Variants in GAS2 observed in about 807,000 individuals in gnomAD.
The protein encoded by GAS2 is growth arrest specific 2.
GAS2 carries 20 observed loss-of-function variants against 37.5 expected under a neutral mutation model. That is an observed-to-expected ratio of 0.53 (90% CI 0.37 to 0.77). The LOEUF (loss-of-function observed/expected upper bound fraction) is 0.77, where lower values mean the gene tolerates loss of function less well. Among genes scored for constraint, GAS2 ranks in the 30% least tolerant of loss-of-function variants. The pLI, the probability that GAS2 is intolerant of heterozygous loss-of-function variation, is 0.00. For missense variants in GAS2, 336 were observed against 373.4 expected (o/e 0.90, Z 0.82); for synonymous variants, 144 against 132.2 (o/e 1.09, Z -0.61).
intron 7 of GAS2, among the ~76,000 whole-genome samples, chr11:22,779,045 G>GTT (rs367996634): frequency 0.028 from 3,758 of 136,390 alleles, 155 homozygotes; most frequent in African/African-American, 0.095. Flanking sequence ...TAAGTTTTTT[G>GTT]TTTTTTTTTT....
intron 3 of GAS2, among the ~76,000 whole-genome samples, chr11:22,691,039 G>A (rs1397128186): frequency 6.6e-6 from 1 of 151,772 alleles, no homozygotes; most frequent in African/African-American, 2.4e-5. Flanking sequence ...AGACATCAGA[G>A]TTTCTCTGGG....
chr11:22,787,171 A>G (rs892330509), intron 7 of GAS2, among the ~76,000 whole-genome samples: 2 of 152,164 alleles, frequency 1.3e-5, no homozygotes, highest in Admixed American at 6.5e-5. Flanking sequence ...CTGCTCTCAA[A>G]AAGCTCCCAG....
chr11:22,726,245 G>A (rs1852207033), intron 3 of GAS2, 47 bp from the exon 4 acceptor site: 1 of 1,558,118 alleles, frequency 6.4e-7, no homozygotes, highest in Non-Finnish European at 8.7e-7. Flanking sequence ...ACATCATTGT[G>A]CTAACTTTGA....
At chr11:22,709,785 G>T (rs1851305069) in intron 3 of GAS2, among the ~76,000 whole-genome samples, 1 of 152,158 alleles carries the variant, frequency 6.6e-6, no homozygotes, top group Admixed American at 6.6e-5. Flanking sequence ...CGATAGACTG[G>T]ATTAAGAAAA....
intron 6 of GAS2, among the ~76,000 whole-genome samples, chr11:22,754,384 AGATACAATATGCTAT>A (rs1166264677): frequency 6.6e-6 from 1 of 152,090 alleles, no homozygotes; most frequent in Non-Finnish European, 1.5e-5. Flanking sequence ...CCACTAAATG[AGATACAATATGCTAT>A]GATAAAAATA....
intron 5 of GAS2, among the ~76,000 whole-genome samples, chr11:22,743,600 T>G (rs187099658): frequency 3.7e-4 from 57 of 152,206 alleles, no homozygotes; most frequent in African/African-American, 1.4e-3. Flanking sequence ...TTTCTAAGAT[T>G]CTTCCTCTTG....
chr11:22,786,563 G>A (rs1310354855), intron 7 of GAS2, among the ~76,000 whole-genome samples: 1 of 152,128 alleles, frequency 6.6e-6, no homozygotes, highest in Non-Finnish European at 1.5e-5. Flanking sequence ...GACGTGTCTT[G>A]AACAATTTGC....
intron 3 of GAS2, among the ~76,000 whole-genome samples, chr11:22,716,869 C>G (rs1010412339): frequency 1.3e-5 from 2 of 152,022 alleles, no homozygotes; most frequent in East Asian, 1.9e-4. Context: ...AGCTGAGAAT[C>G]AAATCAAGAA....
Position 22,812,130 on chromosome 11 carries a change from A to C in GAS2, c.*114A>C. 1.4e-6 allele frequency: 1 copy of C among 711,398 alleles called. No individual in the cohort carries two copies. The highest frequency in any genetic ancestry group is 2.4e-6 in the Non-Finnish European group (1 of 422,478). 44.1% of individuals were successfully genotyped at this position (711,398 alleles called of 1,614,324 possible). On this transcript the variant is annotated 3_prime_UTR_variant, in exon 8 of 8. Coordinates refer to ENST00000454584, the MANE Select transcript of GAS2 (RefSeq NM_001143830.3). The stretch of plus-strand genomic sequence containing the variant: ...GTTTTGGAGAAAGATAGACAGAAAA[A>C]TGTCATCATATTGAAAAATGTTCAA...
chr11:22,782,508 T>C (rs1056556241), intron 7 of GAS2, among the ~76,000 whole-genome samples: 2 of 152,080 alleles, frequency 1.3e-5, no homozygotes, highest in African/African-American at 4.8e-5. Flanking sequence ...GAACCCATCA[T>C]CCAGGTAGTA....
At position 22,651,484 on chromosome 11, in the gene GAS2, A is replaced by T. The variant is rs1848775018; in HGVS notation, c.-20-23366A>T. Among the ~76,000 whole-genome samples the T allele has an allele frequency of 2.0e-5, 3 of 152,140 alleles. No individual in the cohort carries two copies. In the South Asian group the frequency reaches 6.2e-4, roughly 32 times the overall value. On this transcript the variant is annotated intron_variant, in intron 1 of 5. Coordinates refer to the GAS2 transcript ENST00000528582. Reference sequence around the variant, plus strand: ...TTGGCCTGCCTTGCTAGATTGGGGAAATTCTCCTGGATAATATCCTGCAGA... The same window carrying T: ...TTGGCCTGCCTTGCTAGATTGGGGATATTCTCCTGGATAATATCCTGCAGA...
intron 5 of GAS2, among the ~76,000 whole-genome samples, chr11:22,739,667 C>T (rs1852966106): frequency 6.6e-6 from 1 of 150,694 alleles, no homozygotes. Context: ...TGAACTGCTG[C>T]CAAGGAAATG....
At chr11:22,732,641 G>A (rs1852533992) in intron 4 of GAS2, among the ~76,000 whole-genome samples, 1 of 151,608 alleles carries the variant, frequency 6.6e-6, no homozygotes, top group Non-Finnish European at 1.5e-5. Context: ...ACAGAGAGTA[G>A]TCTGTGACTG....
intron 7 of GAS2, among the ~76,000 whole-genome samples, chr11:22,800,685 TGA>T (rs1174843044): frequency 6.6e-6 from 1 of 152,100 alleles, no homozygotes; most frequent in Non-Finnish European, 1.5e-5. Flanking sequence ...ACTGTCATCC[TGA>T]GAGGGCGATG....
chr11:22,698,615 C>A (rs1850666901), intron 3 of GAS2, among the ~76,000 whole-genome samples: 1 of 149,150 alleles, frequency 6.7e-6, no homozygotes, highest in African/African-American at 2.5e-5. Context: ...ATGCAAAAAT[C>A]CTCAATAAAA....
At chr11:22,710,112 T>A (rs539659846) in intron 3 of GAS2, among the ~76,000 whole-genome samples, 1 of 152,008 alleles carries the variant, frequency 6.6e-6, no homozygotes, top group Non-Finnish European at 1.5e-5. Flanking sequence ...TGTATACATA[T>A]GTAACTAACA....
chr11:22,761,551 G>A (rs142973135), intron 7 of GAS2, among the ~76,000 whole-genome samples: 3 of 152,218 alleles, frequency 2.0e-5, no homozygotes, highest in Middle Eastern at 3.4e-3. Context: ...CCTTAGGGTT[G>A]TTCAAAGTGT....
chr11:22,752,574 G>C (rs1215179910), intron 6 of GAS2, among the ~76,000 whole-genome samples: 1 of 151,866 alleles, frequency 6.6e-6, no homozygotes. Flanking sequence ...ATTGCTTGCA[G>C]AGTTTCTGCG....
In GAS2 at chr11:22,811,961, C is replaced by T. The variant is rs748229869; in HGVS notation, c.887C>T (p.Pro296Leu). Reference sequence around the variant, plus strand: ...TCTCCAACTCTAAAGGACATGAATCCAGATAACTACTTGGTGGTCTCTGCC... The same window carrying T: ...TCTCCAACTCTAAAGGACATGAATCTAGATAACTACTTGGTGGTCTCTGCC... ...SKSPTLKDMN[P>L]DNYLVVSASY... The change falls in exon 8 of 8, where the codon CCA becomes CTA. Residue 296 changes from proline to leucine, a missense_variant. Pro to Leu is a moderately conservative substitution (Grantham distance 98). Transcript: ENST00000454584. 1.2e-6 allele frequency: 2 copies of T among 1,614,044 alleles called. No individual in the cohort carries two copies. Among genetic ancestry groups the T allele is most frequent in the South Asian group, 2.2e-5 (2 of 91,084 alleles).
Sources: allele counts gnomAD v4.1 joint callset (sites outside exome capture counted in the v4.1 genomes callset), GRCh38; gene constraint gnomAD v4.1.1; transcripts MANE v1.5; gene names NCBI Gene and HGNC (gene_info 2026-07-23, HGNC 2026-07-21).